ROBO1: variants seen among roughly 807,000 people sequenced by gnomAD.
ROBO1 encodes the protein roundabout homolog 1.
ROBO1 carries 149 observed loss-of-function variants against 195.9 expected under a neutral mutation model. The ratio of observed to expected loss-of-function variants is 0.76; its 90% CI spans 0.67 to 0.87. The LOEUF is 0.87. Among genes scored for constraint, ROBO1 ranks in the 40% least tolerant of loss-of-function variants. The probability of loss-of-function intolerance (pLI) is 0.00; values close to 1 mark genes in which losing one functional copy is unlikely to be tolerated. For synonymous variants in ROBO1, 816 were observed against 733.2 expected (o/e 1.11, Z -1.82); for missense variants, 1,933 against 2,068.3 (o/e 0.93, Z 1.27).
rs550227905 is a variant in ROBO1, at chr3:78,978,015, T to C, written c.173-39088A>G. Among the ~76,000 whole-genome samples, 5 of 152,354 alleles carry C rather than the reference T, an allele frequency of 3.3e-5. No individual in the cohort carries two copies. In the South Asian group the frequency reaches 1.0e-3, roughly 32 times the overall value. On this transcript the variant is annotated intron_variant, in intron 3 of 30. Transcript: ENST00000464233. ...ACCAACACATTAACCATAAACTGCA[T>C]GTATTCAAATCTGCAATATGCAGCT...
chr3:79,162,175 A>T (rs2080979987), intron 2 of ROBO1, among the ~76,000 whole-genome samples: 1 of 152,098 alleles, frequency 6.6e-6, no homozygotes, highest in African/African-American at 2.4e-5. Flanking sequence ...TGGACAGTAA[A>T]ATTGGAAAGG....
chr3:78,812,105 G>A (rs9813851), intron 4 of ROBO1, among the ~76,000 whole-genome samples: 5 of 152,010 alleles, frequency 3.3e-5, no homozygotes, highest in African/African-American at 1.2e-4. Flanking sequence ...TTGTTATGTG[G>A]AGGCCATGCA....
At chr3:79,392,589 A>C (rs193247310) in intron 2 of ROBO1, among the ~76,000 whole-genome samples, 1 of 152,286 alleles carries the variant, frequency 6.6e-6, no homozygotes, top group Admixed American at 6.5e-5. Flanking sequence ...CATTAACAAT[A>C]TTATAGGTTT....
At chr3:79,279,942 A>T (rs2031375446) in intron 2 of ROBO1, among the ~76,000 whole-genome samples, 2 of 152,236 alleles carry the variant, frequency 1.3e-5, no homozygotes, top group African/African-American at 4.8e-5. Flanking sequence ...AATATAATTC[A>T]TGGCAACATG....
intron 3 of ROBO1, among the ~76,000 whole-genome samples, chr3:79,118,121 A>G (rs1414367619): frequency 6.6e-6 from 1 of 152,180 alleles, no homozygotes; most frequent in Non-Finnish European, 1.5e-5. Flanking sequence ...GGCTTTTGAG[A>G]CAGGTACGAG....
intron 3 of ROBO1, among the ~76,000 whole-genome samples, chr3:79,065,073 T>G (rs2078982582): frequency 6.6e-6 from 1 of 151,884 alleles, no homozygotes; most frequent in African/African-American, 2.4e-5. Flanking sequence ...AACTCCAAAT[T>G]AAAAGCTGCT....
intron 4 of ROBO1, chr3:78,758,968 A>G (rs933779618): frequency 6.6e-6 from 1 of 152,170 alleles, no homozygotes; most frequent in African/African-American, 2.4e-5. Flanking sequence ...ACCACCAGGA[A>G]CCCACCTGCG....
chr3:79,617,135 C>A (rs1390242619), intron 1 of ROBO1, among the ~76,000 whole-genome samples: 2 of 152,090 alleles, frequency 1.3e-5, no homozygotes, highest in Non-Finnish European at 2.9e-5. Flanking sequence ...GTGTATCCCT[C>A]TCCCTACACC....
intron 3 of ROBO1, among the ~76,000 whole-genome samples, chr3:79,038,714 T>TAA (rs202213711): frequency 1.1e-4 from 15 of 134,138 alleles, no homozygotes; most frequent in African/African-American, 2.1e-4. Context: ...AAGTCCAATT[T>TAA]AAAAAAAAAA....
At chr3:78,734,679 ACAGT>A (rs2082355894) in intron 5 of ROBO1, among the ~76,000 whole-genome samples, 1 of 152,250 alleles carries the variant, frequency 6.6e-6, no homozygotes, top group Middle Eastern at 3.4e-3. Context: ...ACAGTTTGCA[ACAGT>A]CAAAGTAGGA....
chr3:78,726,907 A>G (rs1576031548), intron 5 of ROBO1, among the ~76,000 whole-genome samples: 1 of 152,156 alleles, frequency 6.6e-6, no homozygotes, highest in African/African-American at 2.4e-5. Flanking sequence ...CAACAACAAC[A>G]ACAGTAACAA....
intron 1 of ROBO1, among the ~76,000 whole-genome samples, chr3:79,595,866 T>C (rs1443684925): frequency 6.6e-6 from 1 of 151,898 alleles, no homozygotes; most frequent in East Asian, 1.9e-4. Flanking sequence ...GTCCTAGTCT[T>C]AATAAAGAGA....
At chr3:79,621,789 A>G (rs1023072598) in intron 1 of ROBO1, among the ~76,000 whole-genome samples, 2 of 152,194 alleles carry the variant, frequency 1.3e-5, no homozygotes, top group African/African-American at 4.8e-5. Context: ...TATAAGGATA[A>G]TATTTGTATC....
intron 4 of ROBO1, among the ~76,000 whole-genome samples, chr3:78,779,816 T>C (rs1328239664): frequency 1.3e-5 from 2 of 152,184 alleles, no homozygotes; most frequent in Admixed American, 1.3e-4. Context: ...ATATGTTTAT[T>C]GCAACACTGT....
intron 4 of ROBO1, among the ~76,000 whole-genome samples, chr3:78,775,835 T>C (rs554486270): frequency 6.6e-6 from 1 of 152,330 alleles, no homozygotes; most frequent in South Asian, 2.1e-4. Context: ...GCCTTAGCTG[T>C]TGATTTAGCC....
rs187508841 is a variant in ROBO1, at chr3:78,731,149, A to G, written c.658-13266T>C. 3.3e-5 allele frequency among the ~76,000 whole-genome samples: 5 copies of G among 152,274 alleles called. No individual in the cohort carries two copies. The East Asian group carries it at 9.6e-4, about 29-fold the overall frequency. On this transcript the variant is annotated intron_variant, in intron 5 of 30. Coordinates refer to ENST00000464233, the MANE Select transcript of ROBO1 (RefSeq NM_002941.4). Reference sequence around the variant, plus strand: ...CTGTTTGGAGGGATATTTATTTGGAATGTTCTTTCTTAGTCATAAATGGTT... The same window carrying G: ...CTGTTTGGAGGGATATTTATTTGGAGTGTTCTTTCTTAGTCATAAATGGTT...
intron 4 of ROBO1, among the ~76,000 whole-genome samples, chr3:78,897,557 T>G (rs1397355066): frequency 6.6e-6 from 1 of 152,252 alleles, no homozygotes; most frequent in Non-Finnish European, 1.5e-5. Context: ...AAAGGACTTG[T>G]GTGTTGCACT....
intron 2 of ROBO1, among the ~76,000 whole-genome samples, chr3:79,312,028 TG>T (rs1253880924): frequency 6.6e-6 from 1 of 152,214 alleles, no homozygotes; most frequent in African/African-American, 2.4e-5. Flanking sequence ...TCTGGCACCT[TG>T]GCTCTTCCCT....
chr3:78,951,359 C>T (rs2107776013), intron 3 of ROBO1, among the ~76,000 whole-genome samples: 1 of 152,124 alleles, frequency 6.6e-6, no homozygotes. Flanking sequence ...ATTCCACATT[C>T]CTATAAAACA....
Sources: allele counts gnomAD v4.1 joint callset (sites outside exome capture counted in the v4.1 genomes callset), GRCh38; gene constraint gnomAD v4.1.1; transcripts MANE v1.5; gene names NCBI Gene and HGNC (gene_info 2026-07-23, HGNC 2026-07-21).